The following NBAS variants were observed in gnomAD, a reference collection of about 807,000 sequenced individuals.
NBAS encodes the protein NAG/BC035112 fusion.
Under a neutral mutation model 302.5 loss-of-function variants are expected in NBAS, and 219 were observed. The observed-to-expected ratio is 0.72, with a 90% CI of 0.65 to 0.81. The LOEUF is 0.81. Among genes scored for constraint, NBAS ranks in the 30% least tolerant of loss-of-function variants. The pLI is 0.00. For missense variants in NBAS, 2,932 were observed against 2,841.6 expected, an observed-to-expected ratio of 1.03 and a Z score of -0.72; for synonymous variants, 1,118 against 1,021.6, an observed-to-expected ratio of 1.09 and a Z score of -1.80.
At chr2:14,985,715 C>A in the NBAS span, among the ~76,000 whole-genome samples, 1 of 152,048 alleles carries the variant, frequency 6.6e-6, no homozygotes, top group African/African-American at 2.4e-5. Context: ...AGTGGGGTAC[C>A]TAATAAAGAT....
chr2:15,275,494 G>C lies in NBAS; in HGVS notation c.5714C>G (p.Ala1905Gly). ...VVDAVTFSPK[A>G]VTKLSVEARK... is the part of the protein sequence containing the mutation. The stretch of plus-strand genomic sequence containing the variant: ...TATCTTTTTGTTTACCTTGGTCACA[G>C]CTTTTGGAGAAAATGTAACTGCATC... The change falls in exon 44 of 52, where the codon GCT becomes GGT. Residue 1905 changes from alanine (A) to glycine (G), a missense_variant. Transcript: ENST00000281513. 1 of 1,614,058 alleles carries C rather than the reference G, an allele frequency of 6.2e-7. No homozygotes were observed. The highest frequency in any genetic ancestry group is 8.5e-7 in the Non-Finnish European group (1 of 1,179,980).
At chr2:15,541,804 G>C (rs1369497184) in intron 6 of NBAS, among the ~76,000 whole-genome samples, 1 of 82,608 alleles carries the variant, frequency 1.2e-5, no homozygotes, top group African/African-American at 4.4e-5. Flanking sequence ...GGAGGGAGGT[G>C]GGGGGGTTCA....
the NBAS span, among the ~76,000 whole-genome samples, chr2:15,043,912 T>G: frequency 1.3e-5 from 2 of 152,152 alleles, no homozygotes; most frequent in Non-Finnish European, 2.9e-5. Flanking sequence ...GTCTGTTGCC[T>G]GAAAACTTGA....
chr2:15,041,844 T>A, the NBAS span, among the ~76,000 whole-genome samples: 1 of 152,354 alleles, frequency 6.6e-6, no homozygotes, highest in Non-Finnish European at 1.5e-5. Flanking sequence ...GTTCTATTTT[T>A]TTCTTTTCTT....
intron 40 of NBAS, among the ~76,000 whole-genome samples, chr2:15,300,551 C>T (rs1005101867): frequency 6.6e-6 from 1 of 152,186 alleles, no homozygotes; most frequent in Non-Finnish European, 1.5e-5. Context: ...AGGGTCAGAA[C>T]TCACAACTGC....
In NBAS at chr2:15,539,367, A is replaced by C; in HGVS notation, c.380-11T>G. The C allele has an allele frequency of 6.2e-7, 1 of 1,614,188 alleles. No homozygotes were observed. The highest frequency in any genetic ancestry group is 1.1e-5 in the South Asian group (1 of 91,084). On this transcript the variant is annotated splice_polypyrimidine_tract_variant and intron_variant, in intron 6 of 51. Transcript: ENST00000281513. ...TCGGGTCTTTCGGAACTAGAACAAA[A>C]GAAAACAAGAGGTGCTTCTAACAAT... is the stretch of plus-strand genomic sequence containing the variant.
chr2:14,847,865 C>A, the NBAS span, among the ~76,000 whole-genome samples: 1 of 152,142 alleles, frequency 6.6e-6, no homozygotes. Context: ...CTCTCAAGGA[C>A]AGGCCATATG....
At chr2:15,310,677 C>T (rs182130851) in intron 38 of NBAS, among the ~76,000 whole-genome samples, 1 of 152,182 alleles carries the variant, frequency 6.6e-6, no homozygotes, top group Non-Finnish European at 1.5e-5. Flanking sequence ...AATCTCAACA[C>T]TTGTCTACCC....
At chr2:15,250,727 A>C (rs181568442) in intron 44 of NBAS, among the ~76,000 whole-genome samples, 6 of 152,246 alleles carry the variant, frequency 3.9e-5, no homozygotes, top group Non-Finnish European at 7.3e-5. Context: ...ATCACTGTTC[A>C]TTAGAGAAAT....
the NBAS span, among the ~76,000 whole-genome samples, chr2:15,121,985 GC>G: frequency 6.6e-6 from 1 of 152,172 alleles, no homozygotes; most frequent in East Asian, 1.9e-4. Context: ...CACCAGTGGG[GC>G]CCATGCCATT....
chr2:15,415,255 T>A (rs1676871039), intron 25 of NBAS, among the ~76,000 whole-genome samples: 2 of 152,222 alleles, frequency 1.3e-5, no homozygotes, highest in African/African-American at 4.8e-5. Context: ...ACTGGGAAAG[T>A]CATGTATAGA....
chr2:15,154,347 G>C, the NBAS span, among the ~76,000 whole-genome samples: 1 of 152,128 alleles, frequency 6.6e-6, no homozygotes, highest in African/African-American at 2.4e-5. Flanking sequence ...GGGCCTCTGT[G>C]GGGAGAATGA....
At position 15,489,018 on chromosome 2, in the gene NBAS, C is replaced by A. The variant is rs752451535; in HGVS notation, c.959G>T (p.Gly320Val). The part of the protein sequence containing the change: ...FYSRQGQEQD[G>V]IFKMSLSPDG... Reference sequence around the variant, plus strand: ...TGGAGAAAGGCTCATCTTAAAAATTCCATCCTAAATAAGAATCATAAGGTC... The same window carrying A: ...TGGAGAAAGGCTCATCTTAAAAATTACATCCTAAATAAGAATCATAAGGTC... Residue 320 changes from glycine (G) to valine (V), a missense_variant, in exon 12 of 52, where the codon GGA (glycine) becomes GTA (valine). Transcript: ENST00000281513. 6.2e-7 allele frequency: 1 copy of A among 1,613,280 alleles called. No individual in the cohort carries two copies. The highest frequency in any genetic ancestry group is 8.5e-7 in the Non-Finnish European group (1 of 1,179,506).
chr2:15,471,047 T>G (rs1189788678), intron 16 of NBAS, among the ~76,000 whole-genome samples: 1 of 152,208 alleles, frequency 6.6e-6, no homozygotes, highest in East Asian at 1.9e-4. Flanking sequence ...GTCCCTAGCA[T>G]AGTGCTCTTG....
intron 26 of NBAS, among the ~76,000 whole-genome samples, chr2:15,398,511 T>A (rs1392341121): frequency 1.3e-5 from 2 of 152,204 alleles, no homozygotes; most frequent in African/African-American, 4.8e-5. Context: ...TACAATATTC[T>A]TCCTTTGTGA....
At chr2:15,366,726 C>G (rs369201451) in intron 31 of NBAS, 33 bp from the exon 32 acceptor site, 2 of 1,595,056 alleles carry the variant, frequency 1.3e-6, no homozygotes, top group Non-Finnish European at 1.7e-6. Flanking sequence ...AGACTTGGAC[C>G]AGGGACATCA....
chr2:14,927,307 C>A, the NBAS span, among the ~76,000 whole-genome samples: 1 of 152,186 alleles, frequency 6.6e-6, no homozygotes, highest in African/African-American at 2.4e-5. Context: ...CTGACTAATC[C>A]AAAGTACACT....
chr2:15,348,402 C>T (rs895989531), intron 35 of NBAS, among the ~76,000 whole-genome samples: 1 of 152,130 alleles, frequency 6.6e-6, no homozygotes, highest in African/African-American at 2.4e-5. Flanking sequence ...AATAGAGTAA[C>T]ATGTGCCCAC....
chr2:15,360,001 A>G (rs1024530603), intron 32 of NBAS, among the ~76,000 whole-genome samples: 1 of 152,240 alleles, frequency 6.6e-6, no homozygotes, highest in Non-Finnish European at 1.5e-5. Flanking sequence ...AAACCTGTAC[A>G]GTATATTTCT....
Sources: allele counts gnomAD v4.1 joint callset (sites outside exome capture counted in the v4.1 genomes callset), GRCh38; gene constraint gnomAD v4.1.1; transcripts MANE v1.5; gene names NCBI Gene and HGNC (gene_info 2026-07-23, HGNC 2026-07-21).